The following GLI2 variants were observed in gnomAD, a reference collection of about 807,000 sequenced individuals.
GLI2 encodes the protein transcription activator GLI2.
GLI2 carries 22 observed loss-of-function variants against 78.9 expected under a neutral mutation model. The ratio of observed to expected loss-of-function variants is 0.28; its 90% CI spans 0.20 to 0.40. The LOEUF (loss-of-function observed/expected upper bound fraction) is 0.40, where lower values mean the gene tolerates loss of function less well. GLI2 is among the 10% of genes least tolerant of loss of function. GLI2 has a pLI of 1.00. For missense variants in GLI2, 2,097 were observed against 2,213.2 expected, an observed-to-expected ratio of 0.95 and a Z score of 1.05; for synonymous variants, 974 against 963.7, an observed-to-expected ratio of 1.01 and a Z score of -0.20.
intron 1 of GLI2, among the ~76,000 whole-genome samples, chr2:120,779,986 C>T (rs1558792196): frequency 6.6e-6 from 1 of 152,102 alleles, no homozygotes; most frequent in South Asian, 2.1e-4. Context: ...AAGAAAACAA[C>T]ACCCGCATTC....
chr2:120,989,521 C>A lies in GLI2; in HGVS notation c.3556C>A (p.Pro1186Thr). The change falls in exon 14 of 14, where the codon CCA (proline) becomes ACA (threonine). Residue 1186 changes from proline (P) to threonine (T), a missense_variant. By Grantham distance (38) the Pro-to-Thr change is conservative. Transcript: ENST00000361492. ...ASPGGLDSTQ[P>T]HLQPRSGAPS... ...CCCTGGGGGCCTGGACAGCACGCAG[C>A]CACACCTGCAGCCCCGCAGCGGAGC... The A allele has an allele frequency of 6.2e-7, 1 of 1,612,326 alleles. No homozygotes were observed. The highest frequency in any genetic ancestry group is 1.1e-5 in the South Asian group (1 of 90,998).
chr2:120,752,214 T>C (rs936587973), intron 1 of GLI2, among the ~76,000 whole-genome samples: 1 of 152,152 alleles, frequency 6.6e-6, no homozygotes, highest in African/African-American at 2.4e-5. Flanking sequence ...CGTGTGTACA[T>C]GTATGTATAT....
At chr2:120,923,392 G>A (rs550436893) in intron 2 of GLI2, among the ~76,000 whole-genome samples, 1 of 120,602 alleles carries the variant, frequency 8.3e-6, no homozygotes, top group South Asian at 2.8e-4. Flanking sequence ...AGCAACACAT[G>A]CATACAACAT....
At chr2:120,778,229 G>A (rs1683740182) in intron 1 of GLI2, among the ~76,000 whole-genome samples, 1 of 152,230 alleles carries the variant, frequency 6.6e-6, no homozygotes, top group Non-Finnish European at 1.5e-5. Context: ...CCTCGCTCCC[G>A]ATTCTCCTCC....
intron 2 of GLI2, among the ~76,000 whole-genome samples, chr2:120,836,439 A>G (rs1686614921): frequency 6.6e-6 from 1 of 152,240 alleles, no homozygotes; most frequent in Admixed American, 6.5e-5. Flanking sequence ...AGACGCCACA[A>G]TAAATGAATA....
intron 2 of GLI2, among the ~76,000 whole-genome samples, chr2:120,807,848 C>G (rs1330214486): frequency 6.6e-6 from 1 of 152,124 alleles, no homozygotes; most frequent in Admixed American, 6.5e-5. Context: ...CTTGGACCAC[C>G]CCCCCACACA....
chr2:120,865,225 TG>T (rs1179610023), intron 2 of GLI2, among the ~76,000 whole-genome samples: 2 of 152,202 alleles, frequency 1.3e-5, no homozygotes, highest in Non-Finnish European at 2.9e-5. Flanking sequence ...AGCCACTGCA[TG>T]GAGGGGAGCC....
intron 2 of GLI2, among the ~76,000 whole-genome samples, chr2:120,891,675 T>C (rs1018122976): frequency 1.3e-5 from 2 of 152,140 alleles, no homozygotes; most frequent in African/African-American, 4.8e-5. Flanking sequence ...GCACCTCTCC[T>C]CTGGGGAGCC....
chr2:120,872,425 A>G (rs943918237), intron 2 of GLI2, among the ~76,000 whole-genome samples: 1 of 152,208 alleles, frequency 6.6e-6, no homozygotes, highest in African/African-American at 2.4e-5. Flanking sequence ...TGCCCAGACT[A>G]GGGGTGGACA....
At chr2:120,981,038 C>T (rs573760171) in intron 10 of GLI2, among the ~76,000 whole-genome samples, 10 of 152,160 alleles carry the variant, frequency 6.6e-5, no homozygotes, top group South Asian at 6.2e-4. Flanking sequence ...GCACCACACG[C>T]CTGGCTAATT....
intron 2 of GLI2, among the ~76,000 whole-genome samples, chr2:120,851,786 C>T (rs764506941): frequency 1.1e-4 from 16 of 152,238 alleles, no homozygotes; most frequent in Non-Finnish European, 2.1e-4. Flanking sequence ...AACAAGTCAA[C>T]ACACAGGTGA....
At chr2:120,842,113 CA>C (rs1156276192) in intron 2 of GLI2, among the ~76,000 whole-genome samples, 2 of 144,788 alleles carry the variant, frequency 1.4e-5, no homozygotes, top group Admixed American at 6.9e-5. Flanking sequence ...AGATTGAAAC[CA>C]AAAAAAATTC....
At chr2:120,896,461 G>A (rs1387838654) in intron 2 of GLI2, among the ~76,000 whole-genome samples, 2 of 152,138 alleles carry the variant, frequency 1.3e-5, no homozygotes, top group Non-Finnish European at 2.9e-5. Context: ...TGGGGTGGGG[G>A]GGTATTGACA....
intron 1 of GLI2, among the ~76,000 whole-genome samples, chr2:120,764,731 T>C (rs1283536617): frequency 2.0e-5 from 3 of 152,246 alleles, no homozygotes; most frequent in African/African-American, 7.2e-5. Flanking sequence ...AAAGTGCGTG[T>C]TGCTATTTCG....
rs1452959840 is a variant in GLI2 at position 120,889,539 on chromosome 2, T to C, written c.149-37822T>C. Among the ~76,000 whole-genome samples, 5 of 152,108 alleles carry C rather than the reference T, an allele frequency of 3.3e-5. No homozygotes were observed. The East Asian group carries it at 9.6e-4, about 29-fold the overall frequency. ...TCTTCGAAAGACCCTGTTGAGAGGG[T>C]GAAGAGACAGGCTGCAGAATGGGAG... On this transcript the variant is annotated intron_variant, in intron 2 of 13. Coordinates refer to ENST00000361492, the MANE Select transcript of GLI2 (RefSeq NM_001374353.1).
intron 2 of GLI2, among the ~76,000 whole-genome samples, chr2:120,927,081 G>T (rs998103409): frequency 1.3e-5 from 2 of 152,214 alleles, no homozygotes; most frequent in African/African-American, 4.8e-5. Flanking sequence ...CAGTTTTGTG[G>T]CCCTGCCTGT....
At position 120,972,059 on chromosome 2, in the gene GLI2, C is replaced by T. The variant is rs571690193; in HGVS notation, c.1178C>T (p.Thr393Met). 3.2e-5 allele frequency: 52 copies of T among 1,613,106 alleles called. No homozygotes were observed. The Admixed American group carries it at 6.5e-4, about 20-fold the overall frequency. Residue 393 changes from threonine to methionine, a missense_variant, in exon 8 of 14, where the codon ACG becomes ATG. By Grantham distance (81) the Thr-to-Met change is moderately conservative (BLOSUM62 -1). Around this residue, in one of 5 missense-constraint regions of GLI2, gnomAD observed 578 missense variants for 612.0 expected, o/e 0.94. Transcript: ENST00000361492. ...GLRPASPLAL[T>M]QEQLADLKED... ...CGGCCGGCCTCCCCTCTGGCGCTGA[C>T]GCAGGTAACCTGCTGCCAGCCGCAC...
intron 2 of GLI2, among the ~76,000 whole-genome samples, chr2:120,886,065 A>G (rs889054672): frequency 6.6e-6 from 1 of 151,478 alleles, no homozygotes; most frequent in Admixed American, 6.6e-5. Context: ...CATTTTTCCA[A>G]AGTAAATTTG....
At chr2:120,863,267 G>A (rs553349580) in intron 2 of GLI2, among the ~76,000 whole-genome samples, 1 of 152,332 alleles carries the variant, frequency 6.6e-6, no homozygotes, top group Admixed American at 6.5e-5. Context: ...GCCGACCACT[G>A]CCCCTCAGGA....
Sources: allele counts gnomAD v4.1 joint callset (sites outside exome capture counted in the v4.1 genomes callset), GRCh38; gene constraint gnomAD v4.1.1; regional missense constraint gnomAD v4.1.1; transcripts MANE v1.5; gene names NCBI Gene and HGNC (gene_info 2026-07-23, HGNC 2026-07-21).